The following HMMR variants were observed in gnomAD, a reference collection of about 807,000 sequenced individuals.
HMMR encodes hyaluronan mediated motility receptor, also known as intracellular hyaluronic acid-binding protein.
HMMR carries 108 observed loss-of-function variants against 101.0 expected under a neutral mutation model. That is an observed-to-expected ratio of 1.07 (90% CI 0.92 to 1.25). The LOEUF (loss-of-function observed/expected upper bound fraction) is 1.25. HMMR is among the 50% of genes most tolerant of loss of function. HMMR has a pLI of 0.00. For missense variants in HMMR, 813 were observed against 788.7 expected (o/e 1.03, Z -0.37); for synonymous variants, 296 against 276.4 (o/e 1.07, Z -0.70).
intron 1 of HMMR, among the ~76,000 whole-genome samples, chr5:163,460,947 C>T (rs532621506): frequency 6.6e-6 from 1 of 152,276 alleles, no homozygotes; most frequent in Non-Finnish European, 1.5e-5. Context: ...AAACAGTCTC[C>T]GCCCCGTGGG....
In HMMR at chr5:163,488,090, A is replaced by G. The variant is rs115334682; in HGVS notation, c.1963-2300A>G. On this transcript the variant is annotated intron_variant, in intron 16 of 17. Transcript: ENST00000393915. ...AGGCTGGTCTGGAGCTCCTGGGCTC[A>G]AGGAATCTACCAGCTTTGGCCTCAA... is the stretch of plus-strand genomic sequence containing the variant. Among the ~76,000 whole-genome samples, 389 of 152,324 alleles carry G rather than the reference A, an allele frequency of 2.6e-3. 3 individuals are homozygous for G. Among genetic ancestry groups the G allele is most frequent in the African/African-American group, 9.0e-3 (372 of 41,558 alleles).
rs796912465 is a variant in HMMR, at chr5:163,478,342, CTT to C, written c.1269-340_1269-339del. Reference sequence around the variant, plus strand: ...AAGTGTCTAAATGGAGAGAATGAAACTTTATTCAATCCAGATGTTTTTTGACT... The same window carrying C: ...AAGTGTCTAAATGGAGAGAATGAAACTATTCAATCCAGATGTTTTTTGACT... On this transcript the variant is annotated intron_variant, in intron 11 of 17. Transcript: ENST00000393915. 7.2e-5 allele frequency among the ~76,000 whole-genome samples: 11 copies of C among 152,216 alleles called. No homozygotes were observed. In the South Asian group the frequency reaches 2.1e-3, roughly 29 times the overall value.
At position 163,464,737 on chromosome 5, in the gene HMMR, C is replaced by A; in HGVS notation, c.160C>A (p.Leu54Ile). The change falls in exon 3 of 18, where the codon CTT becomes ATT. Residue 54 changes from leucine (L) to isoleucine (I), a missense_variant. Physicochemically the swap from Leu to Ile is conservative, Grantham distance 5. Transcript: ENST00000393915. ...TTTTTCCGCAGAATCTAAACAAAAT[C>A]TTAATGTTGACAAAGATACTACCTT... ...FKQQKESKQN[L>I]NVDKDTTLPA... 1 of 1,610,700 alleles carries A rather than the reference C, an allele frequency of 6.2e-7. No homozygotes were observed.
At chr5:163,479,201 A>G (rs1759173768) in intron 12 of HMMR, among the ~76,000 whole-genome samples, 1 of 152,210 alleles carries the variant, frequency 6.6e-6, no homozygotes, top group Non-Finnish European at 1.5e-5. Context: ...TGCTAAACCT[A>G]TAAAGAGACC....
chr5:163,466,793 A>G (rs952640786), intron 3 of HMMR, among the ~76,000 whole-genome samples: 52 of 152,232 alleles, frequency 3.4e-4, no homozygotes, highest in African/African-American at 1.2e-3. Flanking sequence ...AAATATATTA[A>G]GATTTTTACT....
chr5:163,463,717 A>C (rs1758612298), intron 1 of HMMR, 139 bp from the exon 2 acceptor site: 1 of 428,996 alleles, frequency 2.3e-6, no homozygotes, highest in African/African-American at 2.1e-5. Flanking sequence ...GTAATATCAA[A>C]TGGATGCAAT....
At chr5:163,468,674 G>T (rs1329767079) in intron 4 of HMMR, among the ~76,000 whole-genome samples, 1 of 152,128 alleles carries the variant, frequency 6.6e-6, no homozygotes, top group Non-Finnish European at 1.5e-5. Context: ...ACATGTAGGG[G>T]TTGATACTTA....
intron 7 of HMMR, among the ~76,000 whole-genome samples, chr5:163,472,059 T>A (rs753227113): frequency 0.089 from 13,364 of 150,976 alleles, 814 homozygotes; most frequent in African/African-American, 0.19. Flanking sequence ...TATTTATTTT[T>A]TTTTTTAGAG....
intron 17 of HMMR, 95 bp downstream of exon 17, chr5:163,490,647 TGTTG>T: frequency 1.1e-6 from 1 of 897,310 alleles, no homozygotes; most frequent in South Asian, 1.5e-5. Context: ...TGTGAAAATT[TGTTG>T]ACACCTTCTG....
chr5:163,484,237 C>T lies in HMMR; in HGVS notation c.1954C>T (p.Leu652Phe). ...VVKLKDENSQ[L>F]KSEVSKLRCQ... ...GAAGTTGAAAGATGAAAATAGCCAA[C>T]TCAAATCGGTTTGTAAAATGACTTT... is the stretch of plus-strand genomic sequence containing the variant. Residue 652 changes from leucine to phenylalanine, a missense_variant, in exon 16 of 18, where the codon CTC becomes TTC. By Grantham distance (22) the Leu-to-Phe change is conservative. Coordinates refer to ENST00000393915, the MANE Select transcript of HMMR (RefSeq NM_001142556.2). 6.3e-7 allele frequency: 1 copy of T among 1,580,878 alleles called. No homozygotes were observed. Among genetic ancestry groups the T allele is most frequent in the Non-Finnish European group, 8.6e-7 (1 of 1,160,218 alleles).
chr5:163,483,486 G>A, intron 15 of HMMR, 119 bp downstream of exon 15: 1 of 573,916 alleles, frequency 1.7e-6, no homozygotes, highest in Non-Finnish European at 3.2e-6. Flanking sequence ...CACTTACAGT[G>A]CCAATTTAGC....
rs932074130 is a variant in HMMR, at chr5:163,463,893, T to A, written c.84T>A (p.Thr28=). 6.7e-7 allele frequency: 1 copy of A among 1,497,660 alleles called. No individual in the cohort carries two copies. The highest frequency in any genetic ancestry group is 1.4e-5 in the African/African-American group (1 of 69,336). 92.8% of individuals were successfully genotyped at this position (1,497,660 alleles called of 1,614,324 possible). Residue 28 remains threonine, a synonymous_variant, in exon 2 of 18, where the codon ACT becomes ACA. Coordinates refer to ENST00000393915, the MANE Select transcript of HMMR (RefSeq NM_001142556.2). The stretch of plus-strand genomic sequence containing the variant: ...CTCCAGGTGCTTATGATGTTAAAAC[T>A]TTAGAAGTATTGAAAGGACCAGTAT... ...APSPGAYDVK[T]LEVLKGPVSF...
intron 11 of HMMR, 110 bp from the exon 12 acceptor site, chr5:163,478,574 G>A: frequency 1.4e-6 from 1 of 700,164 alleles, no homozygotes; most frequent in East Asian, 2.5e-5. Flanking sequence ...GTAATGCAGT[G>A]GTGAAGATAT....
intron 3 of HMMR, among the ~76,000 whole-genome samples, chr5:163,465,839 T>C (rs1758687048): frequency 6.6e-6 from 1 of 151,902 alleles, no homozygotes; most frequent in South Asian, 2.1e-4. Context: ...CACGTGCCTG[T>C]AGTCCCAGCT....
chr5:163,487,516 T>C (rs2113520483), intron 16 of HMMR, among the ~76,000 whole-genome samples: 1 of 152,262 alleles, frequency 6.6e-6, no homozygotes, highest in Non-Finnish European at 1.5e-5. Flanking sequence ...TCATTGAATG[T>C]GTGGTAGAAT....
At chr5:163,473,021 T>C (rs1364825199) in intron 7 of HMMR, among the ~76,000 whole-genome samples, 158 bp from the exon 8 acceptor site, 1 of 152,210 alleles carries the variant, frequency 6.6e-6, no homozygotes, top group East Asian at 1.9e-4. Flanking sequence ...TCTATTTTGA[T>C]GTAAATTGTG....
At chr5:163,488,520 A>G (rs1041376085) in intron 16 of HMMR, among the ~76,000 whole-genome samples, 7 of 152,138 alleles carry the variant, frequency 4.6e-5, no homozygotes, top group Non-Finnish European at 1.0e-4. Context: ...TTGCTTAATG[A>G]GTGGCTCAAT....
Position 163,491,357 on chromosome 5 carries a change from A to C in HMMR, c.*193A>C. The stretch of plus-strand genomic sequence containing the variant: ...TTTTCTTGCAAATACCTCCTCCCTA[A>C]TGCTCACCTTTATCACCTCATTCTG... On this transcript the variant is annotated 3_prime_UTR_variant, in exon 18 of 18. Coordinates refer to ENST00000393915, the MANE Select transcript of HMMR (RefSeq NM_001142556.2). 1 of 473,008 alleles carries C rather than the reference A, an allele frequency of 2.1e-6. No individual in the cohort carries two copies. The highest frequency in any genetic ancestry group is 3.3e-5 in the South Asian group (1 of 30,350). 29.3% of individuals were successfully genotyped at this position (473,008 alleles called of 1,614,324 possible).
intron 16 of HMMR, among the ~76,000 whole-genome samples, chr5:163,488,858 C>T (rs186790072): frequency 6.6e-6 from 1 of 152,348 alleles, no homozygotes; most frequent in East Asian, 1.9e-4. Flanking sequence ...CTCGTCCCAG[C>T]TGTCATATTC....
Sources: allele counts gnomAD v4.1 joint callset (sites outside exome capture counted in the v4.1 genomes callset), GRCh38; gene constraint gnomAD v4.1.1; transcripts MANE v1.5; gene names NCBI Gene and HGNC (gene_info 2026-07-23, HGNC 2026-07-21).